The following KDM4B variants were observed in gnomAD, a reference collection of about 807,000 sequenced individuals.
KDM4B encodes lysine demethylase 4B, also known as lysine-specific demethylase 4B.
Under a neutral mutation model 125.2 loss-of-function variants are expected in KDM4B, and 32 were observed. The ratio of observed to expected loss-of-function variants is 0.26; its 90% confidence interval spans 0.19 to 0.34. The LOEUF is 0.34. KDM4B is among the 10% of genes least tolerant of loss of function. The probability of loss-of-function intolerance (pLI) is 1.00; values close to 1 mark genes in which losing one functional copy is unlikely to be tolerated. For missense variants in KDM4B, 1,190 were observed against 1,577.7 expected, an observed-to-expected ratio of 0.75 and a Z score of 4.16; for synonymous variants, 721 against 677.9, an observed-to-expected ratio of 1.06 and a Z score of -0.99.
intron 9 of KDM4B, among the ~76,000 whole-genome samples, chr19:5,083,823 C>T (rs988531974): frequency 6.6e-6 from 1 of 152,220 alleles, no homozygotes; most frequent in African/African-American, 2.4e-5. Context: ...CAGTGCAGAG[C>T]CTTCCAGTTC....
At chr19:5,079,073 C>T (rs1478913235) in intron 8 of KDM4B, 1 of 152,252 alleles carries the variant, frequency 6.6e-6, no homozygotes, top group East Asian at 1.9e-4. Context: ...ACTCCCCACA[C>T]TCCCCTTATA....
chr19:5,080,049 T>TC (rs908542355), intron 8 of KDM4B, among the ~76,000 whole-genome samples: 52 of 151,874 alleles, frequency 3.4e-4, no homozygotes, highest in East Asian at 1.6e-3. Flanking sequence ...CCACGTGTGT[T>TC]CCCCCCCCAC....
At chr19:5,046,371 C>T (rs1480319116) in intron 5 of KDM4B, among the ~76,000 whole-genome samples, 4 of 152,238 alleles carry the variant, frequency 2.6e-5, no homozygotes, top group Non-Finnish European at 5.9e-5. Flanking sequence ...CCTCCCTCTG[C>T]CCCATCTGGG....
intron 21 of KDM4B, among the ~76,000 whole-genome samples, chr19:5,146,965 A>G (rs955490058): frequency 2.7e-5 from 4 of 146,936 alleles, no homozygotes; most frequent in African/African-American, 5.0e-5. Context: ...AAAAAAAACA[A>G]AAACTCTGCT....
intron 1 of KDM4B, among the ~76,000 whole-genome samples, chr19:4,983,761 T>C (rs1163936607): frequency 6.6e-6 from 1 of 152,172 alleles, no homozygotes. Context: ...TAACATCCTA[T>C]AGCCACAGGC....
chr19:5,009,850 G>C (rs1216249451), intron 1 of KDM4B, among the ~76,000 whole-genome samples: 2 of 152,084 alleles, frequency 1.3e-5, no homozygotes, highest in African/African-American at 2.4e-5. Context: ...TCCTGCCTCA[G>C]CCTCCTGAGT....
intron 1 of KDM4B, among the ~76,000 whole-genome samples, chr19:4,989,928 T>C (rs1568210675): frequency 6.6e-6 from 1 of 152,238 alleles, no homozygotes; most frequent in Non-Finnish European, 1.5e-5. Context: ...GCTGGGATTA[T>C]AGGCGTGAGC....
intron 1 of KDM4B, among the ~76,000 whole-genome samples, chr19:4,984,636 T>A (rs137900656): frequency 6.6e-6 from 1 of 152,134 alleles, no homozygotes; most frequent in East Asian, 1.9e-4. Context: ...GACTGACAGA[T>A]CCAGAGAACA....
intron 1 of KDM4B, among the ~76,000 whole-genome samples, chr19:5,003,318 A>G (rs1164010943): frequency 2.0e-5 from 3 of 152,034 alleles, no homozygotes; most frequent in African/African-American, 4.8e-5. Context: ...GAGAAACCCC[A>G]TCTCTAATAA....
At chr19:5,070,374 C>T (rs1167897451) in intron 6 of KDM4B, among the ~76,000 whole-genome samples, 1 of 152,216 alleles carries the variant, frequency 6.6e-6, no homozygotes, top group Non-Finnish European at 1.5e-5. Context: ...GGGATGCCAC[C>T]CCCACTTCGC....
chr19:5,103,340 A>C (rs2038973627), intron 9 of KDM4B, among the ~76,000 whole-genome samples: 1 of 152,232 alleles, frequency 6.6e-6, no homozygotes, highest in Admixed American at 6.5e-5. Flanking sequence ...ATGCTTTGGA[A>C]AAAAGAAATC....
chr19:5,111,114 C>T (rs1028981401), intron 10 of KDM4B, among the ~76,000 whole-genome samples: 3 of 152,148 alleles, frequency 2.0e-5, no homozygotes, highest in African/African-American at 4.8e-5. Context: ...GTCATGTCCC[C>T]GCCAGGAGGC....
chr19:4,996,098 T>G (rs1003870149), intron 1 of KDM4B, among the ~76,000 whole-genome samples: 29 of 152,156 alleles, frequency 1.9e-4, no homozygotes, highest in African/African-American at 6.0e-4. Flanking sequence ...CAAGTGATTC[T>G]CCTGCCTCAG....
At chr19:5,126,663 G>A (rs1415848989) in intron 11 of KDM4B, among the ~76,000 whole-genome samples, 2 of 152,348 alleles carry the variant, frequency 1.3e-5, no homozygotes, top group East Asian at 3.9e-4. Flanking sequence ...TCTGGAGGGC[G>A]GCCCCAGCTC....
intron 6 of KDM4B, among the ~76,000 whole-genome samples, chr19:5,049,392 C>A (rs2037147300): frequency 2.0e-5 from 3 of 152,002 alleles, no homozygotes; most frequent in African/African-American, 4.8e-5. Flanking sequence ...GGGGAGACAG[C>A]TGGGGCGGGG....
chr19:5,132,609 G>A (rs2039578190), intron 13 of KDM4B, among the ~76,000 whole-genome samples: 1 of 152,110 alleles, frequency 6.6e-6, no homozygotes, highest in Non-Finnish European at 1.5e-5. Flanking sequence ...GGAGGAATCG[G>A]CACGGGGACA....
At chr19:5,118,732 T>C (rs2039303217) in intron 10 of KDM4B, among the ~76,000 whole-genome samples, 1 of 152,162 alleles carries the variant, frequency 6.6e-6, no homozygotes, top group African/African-American at 2.4e-5. Flanking sequence ...AGCCCCTCTC[T>C]CTCATTTCTA....
In KDM4B at chr19:5,035,880, T is replaced by TGTGTGCGCGCGC. The variant is rs58219404; in HGVS notation, c.141+2850_141+2851insTGTGCGCGCGCG. Among the ~76,000 whole-genome samples, 61 of 136,500 alleles carry TGTGTGCGCGCGC rather than the reference T, an allele frequency of 4.5e-4. No homozygotes were observed. Among genetic ancestry groups the TGTGTGCGCGCGC allele is most frequent in the African/African-American group, 7.1e-4 (27 of 37,900 alleles). The allele number at this position is 136,500 out of a possible 152,430, so 89.5% of individuals were successfully genotyped here. ...ACGTGTCTCTGTGTGTGTGTGTGTG[T>TGTGTGCGCGCGC]GCGCGCGCGCGCGCGCCTGCGCGCA... On this transcript the variant is annotated intron_variant, in intron 3 of 22. Coordinates refer to ENST00000159111, the MANE Select transcript of KDM4B (RefSeq NM_015015.3). The surrounding 1 kb of genome is among the most constrained non-coding windows in gnomAD (Gnocchi z 5.3).
chr19:5,089,020 CAGGA>C (rs200272620), intron 9 of KDM4B, among the ~76,000 whole-genome samples: 1,700 of 152,242 alleles, frequency 0.011, 50 homozygotes, highest in South Asian at 0.066. Flanking sequence ...TGCTCAGAGG[CAGGA>C]AGGGATGCTT....
Sources: allele counts gnomAD v4.1 joint callset (sites outside exome capture counted in the v4.1 genomes callset), GRCh38; gene constraint gnomAD v4.1.1; non-coding constraint Gnocchi (gnomAD v3.1); transcripts MANE v1.5; gene names NCBI Gene and HGNC (gene_info 2026-07-23, HGNC 2026-07-21).